Variants in MAP7 observed in about 807,000 individuals in gnomAD.
The protein encoded by MAP7 is microtubule associated protein 7.
In MAP7, 52 loss-of-function variants were observed where a neutral mutation model predicts 94.8. That is an observed-to-expected ratio of 0.55 (90% CI 0.44 to 0.69). The LOEUF is 0.69. Ranked by LOEUF, MAP7 falls within the 30% of genes least tolerant of loss-of-function variation. The pLI, the probability that MAP7 is intolerant of heterozygous loss-of-function variation, is 0.00. For synonymous variants in MAP7, 350 were observed against 357.0 expected, an observed-to-expected ratio of 0.98 and a Z score of 0.22; for missense variants, 940 against 964.6, an observed-to-expected ratio of 0.97 and a Z score of 0.34.
rs1011897425 is a variant in MAP7, at chr6:136,344,248, G to A, written c.2240-10C>T. On this transcript the variant is annotated splice_polypyrimidine_tract_variant and intron_variant, in intron 17 of 17. Transcript: ENST00000354570. ...AACACTCATATAACTTCTACATGAA[G>A]AGACAGAAAAAGAACAAGATTAATA... 11 of 1,316,474 alleles carry A rather than the reference G, an allele frequency of 8.4e-6. No individual in the cohort carries two copies. The highest frequency in any genetic ancestry group is 2.8e-5 in the Admixed American group (1 of 36,054). 81.5% of individuals were successfully genotyped at this position (1,316,474 alleles called of 1,614,324 possible).
At chr6:136,457,171 C>T (rs1408051563) in intron 1 of MAP7, among the ~76,000 whole-genome samples, 1 of 150,766 alleles carries the variant, frequency 6.6e-6, no homozygotes, top group Non-Finnish European at 1.5e-5. Context: ...AACAATTAAA[C>T]AATTATATGC....
intron 7 of MAP7, among the ~76,000 whole-genome samples, chr6:136,373,625 T>A (rs1048693443): frequency 2.0e-5 from 3 of 152,208 alleles, no homozygotes; most frequent in Non-Finnish European, 4.4e-5. Context: ...CATTTTCAGA[T>A]CTCATTCAGA....
At chr6:136,416,535 G>A (rs1789478511) in intron 2 of MAP7, among the ~76,000 whole-genome samples, 1 of 152,170 alleles carries the variant, frequency 6.6e-6, no homozygotes, top group Non-Finnish European at 1.5e-5. Context: ...GCCAGGCGCG[G>A]TGACTCACAC....
chr6:136,404,291 C>T (rs572686365), intron 3 of MAP7, among the ~76,000 whole-genome samples: 11 of 151,310 alleles, frequency 7.3e-5, no homozygotes, highest in Non-Finnish European at 1.3e-4. Context: ...TTAGTACTGC[C>T]GTCACTCACT....
At chr6:136,404,594 T>C (rs1383329195) in intron 3 of MAP7, among the ~76,000 whole-genome samples, 1 of 152,228 alleles carries the variant, frequency 6.6e-6, no homozygotes, top group Non-Finnish European at 1.5e-5. Flanking sequence ...CAGTCCATCA[T>C]ACATTCTCTT....
At chr6:136,452,478 A>G (rs889487820) in intron 1 of MAP7, among the ~76,000 whole-genome samples, 5 of 152,234 alleles carry the variant, frequency 3.3e-5, no homozygotes, top group Non-Finnish European at 5.9e-5. Flanking sequence ...GATGCAATCA[A>G]CTTCACTGCT....
intron 1 of MAP7, among the ~76,000 whole-genome samples, chr6:136,535,170 C>A (rs1728590550): frequency 6.6e-6 from 1 of 152,080 alleles, no homozygotes; most frequent in South Asian, 2.1e-4. Context: ...AGTTTAGCTC[C>A]TTCCCCGTGG....
chr6:136,374,874 C>G (rs534955910), intron 7 of MAP7, among the ~76,000 whole-genome samples: 1 of 152,250 alleles, frequency 6.6e-6, no homozygotes, highest in Admixed American at 6.5e-5. Context: ...AACCTGAAAT[C>G]TTCAAATCAA....
chr6:136,542,458 A>G (rs1829402592), intron 1 of MAP7, among the ~76,000 whole-genome samples: 1 of 152,232 alleles, frequency 6.6e-6, no homozygotes, highest in Non-Finnish European at 1.5e-5. Flanking sequence ...AGATGTTCCA[A>G]TAAGGAATTA....
chr6:136,428,799 T>C (rs1794047012), intron 1 of MAP7, among the ~76,000 whole-genome samples: 1 of 152,126 alleles, frequency 6.6e-6, no homozygotes, highest in African/African-American at 2.4e-5. Flanking sequence ...AGATCTATGA[T>C]AATTTTCCAC....
chr6:136,517,357 T>C (rs1457677036), intron 1 of MAP7, among the ~76,000 whole-genome samples: 2 of 152,184 alleles, frequency 1.3e-5, no homozygotes, highest in Non-Finnish European at 2.9e-5. Flanking sequence ...AAAATATCTC[T>C]ATAAAAAGAG....
intron 17 of MAP7, 51 bp downstream of exon 17, chr6:136,345,805 G>T: frequency 7.1e-7 from 1 of 1,415,570 alleles, no homozygotes; most frequent in Non-Finnish European, 1.0e-6. Flanking sequence ...GTGTCCTCCT[G>T]GGTGTCAGAT....
chr6:136,486,277 G>A (rs1043673422), intron 1 of MAP7, among the ~76,000 whole-genome samples: 2 of 152,130 alleles, frequency 1.3e-5, no homozygotes. Context: ...TATGTGCCCG[G>A]CAAAATCATG....
chr6:136,479,753 T>C (rs1324399379), intron 1 of MAP7, among the ~76,000 whole-genome samples: 2 of 152,090 alleles, frequency 1.3e-5, no homozygotes, highest in Non-Finnish European at 2.9e-5. Context: ...CCATTTACAA[T>C]AGCTACAAAT....
At chr6:136,407,958 G>C (rs1252217909) in intron 3 of MAP7, among the ~76,000 whole-genome samples, 2 of 152,174 alleles carry the variant, frequency 1.3e-5, no homozygotes, top group Admixed American at 1.3e-4. Context: ...TGGAGTGAAA[G>C]AAAATGAACA....
chr6:136,549,280 T>C (rs1829957538), intron 1 of MAP7, among the ~76,000 whole-genome samples: 1 of 152,174 alleles, frequency 6.6e-6, no homozygotes, highest in Non-Finnish European at 1.5e-5. Flanking sequence ...AGCTTGCAAT[T>C]GGAGAGTCTA....
chr6:136,492,495 A>T (rs1381957606), intron 1 of MAP7, among the ~76,000 whole-genome samples: 2 of 152,228 alleles, frequency 1.3e-5, no homozygotes, highest in Non-Finnish European at 2.9e-5. Flanking sequence ...AAACACATGT[A>T]AATATAATCT....
intron 1 of MAP7, among the ~76,000 whole-genome samples, chr6:136,486,784 A>G (rs1341420551): frequency 6.6e-6 from 1 of 152,212 alleles, no homozygotes; most frequent in African/African-American, 2.4e-5. Context: ...GGCTATCCCA[A>G]AATCAACTCT....
chr6:136,365,662 C>CA (rs1391277636), intron 10 of MAP7, 73 bp downstream of exon 10: 2 of 1,499,978 alleles, frequency 1.3e-6, no homozygotes, highest in Non-Finnish European at 1.8e-6. Flanking sequence ...AAAAGGAAAA[C>CA]AAAAAAAGCT....
Sources: gnomAD v4.1 joint callset for allele counts (sites outside exome capture counted in the v4.1 genomes callset) on GRCh38, gnomAD v4.1.1 for gene constraint, MANE v1.5 for transcripts, NCBI Gene and HGNC (gene_info 2026-07-23, HGNC 2026-07-21) for gene names.